SCN1A: variants seen among roughly 807,000 people sequenced by gnomAD.
SCN1A encodes sodium voltage-gated channel alpha subunit 1.
SCN1A carries 13 observed loss-of-function variants against 193.7 expected under a neutral mutation model. That is an observed-to-expected ratio of 0.07 (90% CI 0.04 to 0.11). The LOEUF is 0.11. Among genes scored for constraint, SCN1A ranks in the 10% least tolerant of loss-of-function variants. The pLI is 1.00. For missense variants in SCN1A, 1,432 were observed against 2,451.1 expected (o/e 0.58, Z 8.78); for synonymous variants, 781 against 843.6 (o/e 0.93, Z 1.29).
At position 166,037,799 on chromosome 2, in the gene SCN1A, C is replaced by T. The variant is rs727504139; in HGVS notation, c.2923G>A (p.Val975Ile). The T allele has an allele frequency of 6.2e-7, 1 of 1,613,942 alleles. No homozygotes were observed. Among genetic ancestry groups the T allele is most frequent in the Non-Finnish European group, 8.5e-7 (1 of 1,180,022 alleles). ...ACCACTAGGTTTCCAATCACCATGA[C>T]CATCATGAAGACAGTAAGGCACATG... ...QAMCLTVFMM[V>I]MVIGNLVVLN... Residue 975 changes from valine (V) to isoleucine (I), a missense_variant, in exon 18 of 29, where the codon GTC becomes ATC. Physicochemically the swap from Val to Ile is conservative, Grantham distance 29. Transcript: ENST00000674923.
chr2:166,093,418 A>G (rs1687039444), intron 2 of SCN1A, among the ~76,000 whole-genome samples: 1 of 151,744 alleles, frequency 6.6e-6, no homozygotes, highest in Non-Finnish European at 1.5e-5. Flanking sequence ...GGCTCACTGC[A>G]AGCTCCACCT....
At chr2:166,011,760 T>A (rs372947526) in intron 22 of SCN1A, among the ~76,000 whole-genome samples, 3 of 151,128 alleles carry the variant, frequency 2.0e-5, no homozygotes, top group African/African-American at 7.3e-5. Flanking sequence ...GTGATGGTCC[T>A]GGGATACAAA....
chr2:166,108,232 CA>C (rs562526613), intron 2 of SCN1A, among the ~76,000 whole-genome samples: 24 of 151,544 alleles, frequency 1.6e-4, no homozygotes, highest in Non-Finnish European at 3.2e-4. Context: ...GAAGGAAATG[CA>C]AATAAAAAAC....
At chr2:166,087,216 C>CAGGACTT (rs1416431525) in intron 2 of SCN1A, among the ~76,000 whole-genome samples, 1 of 150,812 alleles carries the variant, frequency 6.6e-6, no homozygotes, top group Non-Finnish European at 1.5e-5. Context: ...CCTGTAATCC[C>CAGGACTT]AGGACTTTGG....
chr2:165,995,510 A>G (rs1689906073), intron 27 of SCN1A, among the ~76,000 whole-genome samples: 1 of 151,874 alleles, frequency 6.6e-6, no homozygotes, highest in Non-Finnish European at 1.5e-5. Context: ...AGCCATACAT[A>G]TGAATAGTAG....
chr2:166,141,854 A>G (rs1692101529), intron 1 of SCN1A, among the ~76,000 whole-genome samples: 4 of 152,026 alleles, frequency 2.6e-5, no homozygotes, highest in African/African-American at 9.7e-5. Context: ...GTGGAAGGGT[A>G]TGTGCCTTTT....
intron 2 of SCN1A, among the ~76,000 whole-genome samples, chr2:166,120,882 C>T (rs1287090452): frequency 1.3e-5 from 2 of 151,760 alleles, no homozygotes; most frequent in African/African-American, 2.4e-5. Flanking sequence ...TTCCAAAGTG[C>T]TGGAATTACA....
chr2:165,991,657 T>C lies in SCN1A; in HGVS notation c.5618A>G (p.Lys1873Arg), dbSNP rs1689172357. The C allele has an allele frequency of 6.2e-6, 10 of 1,613,782 alleles. No homozygotes were observed. Among genetic ancestry groups the C allele is most frequent in the African/African-American group, 1.3e-5 (1 of 74,884 alleles). ...HCLDILFAFT[K>R]RVLGESGEMD... ...CTCTCCACTCTCTCCTAGAACCCGC[T>C]TTGTAAAAGCAAATAAGATATCAAG... Residue 1873 changes from lysine to arginine, a missense_variant, in exon 29 of 29, where the codon AAG becomes AGG. By Grantham distance (26) the Lys-to-Arg change is conservative. Around this residue, in one of 18 missense-constraint regions of SCN1A, gnomAD observed 59 missense variants for 110.6 expected, o/e 0.53. Coordinates refer to ENST00000674923, the MANE Select transcript of SCN1A (RefSeq NM_001165963.4).
At position 166,042,277 on chromosome 2, in the gene SCN1A, G is replaced by C; in HGVS notation, c.2176+15C>G. 1 of 1,610,110 alleles carries C rather than the reference G, an allele frequency of 6.2e-7. No individual in the cohort carries two copies. The highest frequency in any genetic ancestry group is 8.5e-7 in the Non-Finnish European group (1 of 1,177,906). ...GGTGAAAATAATTGAAACGAAAATA[G>C]AATTTGTTACCAACCTTCTACTGTA... is the stretch of plus-strand genomic sequence containing the variant. On this transcript the variant is annotated intron_variant, in intron 15 of 28. Transcript: ENST00000674923.
chr2:165,991,324 G>A lies in SCN1A; in HGVS notation c.5951C>T (p.Pro1984Leu), dbSNP rs146733308. Residue 1984 changes from proline to leucine, a missense_variant, in exon 29 of 29, where the codon CCT becomes CTT. Physicochemically the swap from Pro to Leu is moderately conservative, Grantham distance 98 (BLOSUM62 -3). Transcript: ENST00000674923. The stretch of plus-strand genomic sequence containing the variant: ...TGGCTTTGTCACCCGGTCATAGGAA[G>A]GTGGACAAGCTGCAGTGGACATGGT... ...DLTMSTAACP[P>L]SYDRVTKPIV... 3.7e-6 allele frequency: 6 copies of A among 1,613,340 alleles called. No individual in the cohort carries two copies. In the South Asian group the frequency reaches 4.4e-5, roughly 12 times the overall value.
chr2:166,110,228 G>T (rs901872178), intron 2 of SCN1A, among the ~76,000 whole-genome samples: 2 of 152,010 alleles, frequency 1.3e-5, no homozygotes, highest in African/African-American at 4.8e-5. Context: ...GTCAAAGGAA[G>T]AATTGAATGT....
chr2:166,147,232 G>C (rs181260599), intron 1 of SCN1A, among the ~76,000 whole-genome samples: 88 of 152,130 alleles, frequency 5.8e-4, no homozygotes, highest in African/African-American at 2.0e-3. Flanking sequence ...AGTAAATTTT[G>C]GCTTAATATT....
At chr2:166,053,895 T>G (rs957425164) in intron 7 of SCN1A, among the ~76,000 whole-genome samples, 1 of 151,628 alleles carries the variant, frequency 6.6e-6, no homozygotes, top group African/African-American at 2.4e-5. Flanking sequence ...AGTTTGCCAC[T>G]AGAAAAAAAA....
intron 1 of SCN1A, among the ~76,000 whole-genome samples, chr2:166,147,508 C>G (rs1692371682): frequency 6.6e-6 from 1 of 152,116 alleles, no homozygotes. Flanking sequence ...AATTTGAACA[C>G]TGACATTGTT....
rs532712802 is a variant in SCN1A, at chr2:165,989,941, C to G, written c.*1304G>C. 2 of 152,424 alleles carry G rather than the reference C, an allele frequency of 1.3e-5. No individual in the cohort carries two copies. The highest frequency in any genetic ancestry group is 4.8e-5 in the African/African-American group (2 of 41,474). The allele number at this position is 152,424 out of a possible 1,614,324, so 9.4% of individuals were successfully genotyped here. On this transcript the variant is annotated 3_prime_UTR_variant, in exon 29 of 29. Coordinates refer to ENST00000674923, the MANE Select transcript of SCN1A (RefSeq NM_001165963.4). ...TATCCACTTAAAATGTAAAAATAAC[C>G]AAAAAGCTGTTAAAGTGCTGCAAAC...
upstream of SCN1A, among the ~76,000 whole-genome samples, chr2:166,128,616 T>C (rs938212860): frequency 1.3e-5 from 2 of 152,210 alleles, no homozygotes; most frequent in African/African-American, 2.4e-5. Flanking sequence ...GACATTTACA[T>C]TCTTACTATC....
chr2:166,052,825 C>A, intron 8 of SCN1A, 27 bp downstream of exon 8: 2 of 1,542,662 alleles, frequency 1.3e-6, no homozygotes, highest in Non-Finnish European at 9.0e-7. Context: ...ATGATGGGTC[C>A]GTCTCATTAT....
intron 2 of SCN1A, among the ~76,000 whole-genome samples, chr2:166,120,695 C>A (rs1690483009): frequency 6.8e-6 from 1 of 148,084 alleles, no homozygotes; most frequent in Admixed American, 7.0e-5. Flanking sequence ...CTTGCTGCAA[C>A]CTCCACCTCC....
At position 166,145,873 on chromosome 2, in the gene SCN1A, G is replaced by A. The variant is rs79001955; in HGVS notation, c.-50+3174C>T. On this transcript the variant is annotated intron_variant, in intron 1 of 26. Transcript: ENST00000635750. ...CTCTTTGATGAGTTTGGGCATCTAC[G>A]TCTGGATATAAGAGCTGTGGAGAGA... Among the ~76,000 whole-genome samples the A allele has an allele frequency of 7.0e-4, 107 of 152,168 alleles. No homozygotes were observed. In the East Asian group the frequency reaches 0.016, roughly 23 times the overall value.
Sources: gnomAD v4.1 joint callset for allele counts (sites outside exome capture counted in the v4.1 genomes callset) on GRCh38, gnomAD v4.1.1 for gene constraint, gnomAD v4.1.1 regional missense constraint, MANE v1.5 for transcripts, NCBI Gene and HGNC (gene_info 2026-07-23, HGNC 2026-07-21) for gene names.